The following CHM variants were observed in gnomAD, a reference collection of about 807,000 sequenced individuals.
CHM encodes the protein CHM Rab escort protein, also known as rab proteins geranylgeranyltransferase component A 1.
CHM carries 10 observed loss-of-function variants against 49.0 expected under a neutral mutation model. The observed-to-expected ratio is 0.20, with a 90% confidence interval of 0.13 to 0.35. CHM has a LOEUF of 0.35. CHM is among the 10% of genes least tolerant of loss of function. The probability of loss-of-function intolerance (pLI) is 1.00; values close to 1 mark genes in which losing one functional copy is unlikely to be tolerated. For missense variants in CHM, 455 were observed against 478.4 expected, an observed-to-expected ratio of 0.95 and a Z score of 0.46; for synonymous variants, 184 against 167.5, an observed-to-expected ratio of 1.10 and a Z score of -0.76.
chrX:85,920,279 GTAGAGAC>G (rs1927712954), intron 8 of CHM, among the ~76,000 whole-genome samples: 1 of 109,550 alleles, frequency 9.1e-6, no homozygotes, highest in Non-Finnish European at 1.9e-5. Context: ...CTATTTTTTA[GTAGAGAC>G]GGGGTTTCAC....
intron 4 of CHM, among the ~76,000 whole-genome samples, chrX:85,967,327 G>A (rs186507238): frequency 8.7e-4 from 97 of 112,023 alleles, no homozygotes; most frequent in Non-Finnish European, 1.7e-3. Flanking sequence ...TCCAGTAATA[G>A]TTCAATTCTA....
In CHM at chrX:85,938,948, A is replaced by T. The variant is rs1422035026; in HGVS notation, c.1166+17205T>A. Among the ~76,000 whole-genome samples the T allele has an allele frequency of 2.7e-5, 3 of 112,007 alleles. No homozygotes were observed. The South Asian group carries it at 1.1e-3, about 42-fold the overall frequency. ...AATATTTCAGAGAATAATGGACCACATATATGAGGAAAGTCCCATAAGATT... is the reference window on the plus strand; with the variant it reads ...AATATTTCAGAGAATAATGGACCACTTATATGAGGAAAGTCCCATAAGATT... On this transcript the variant is annotated intron_variant, in intron 8 of 14. Transcript: ENST00000357749.
chrX:85,991,252 G>C (rs1362730371), intron 2 of CHM, among the ~76,000 whole-genome samples: 3 of 111,854 alleles, frequency 2.7e-5, no homozygotes, highest in Non-Finnish European at 5.7e-5. Context: ...GATAGAAAGG[G>C]TGTTATTTCA....
chrX:86,022,802 C>T (rs1190103608), intron 2 of CHM, among the ~76,000 whole-genome samples: 2 of 111,147 alleles, frequency 1.8e-5, no homozygotes, highest in Non-Finnish European at 3.8e-5. Flanking sequence ...GTACCTCAAA[C>T]TCAACATCTT....
At chrX:86,030,769 G>A (rs1213826260) in intron 1 of CHM, among the ~76,000 whole-genome samples, 1 of 110,118 alleles carries the variant, frequency 9.1e-6, no homozygotes, top group Admixed American at 9.7e-5. Flanking sequence ...GAGGAGTGCA[G>A]AAGACGGAAA....
At chrX:86,033,943 C>A (rs922064047) in intron 1 of CHM, among the ~76,000 whole-genome samples, 30 of 111,601 alleles carry the variant, frequency 2.7e-4, no homozygotes, top group African/African-American at 9.4e-4. Context: ...AATATACTAC[C>A]CATTAAAACA....
At chrX:86,018,048 T>C (rs1933383273) in intron 2 of CHM, among the ~76,000 whole-genome samples, 1 of 112,053 alleles carries the variant, frequency 8.9e-6, no homozygotes, top group Non-Finnish European at 1.9e-5. Flanking sequence ...CATGAAGCAA[T>C]TCTAAAAAAT....
At chrX:85,975,520 G>A (rs188985316) in intron 4 of CHM, among the ~76,000 whole-genome samples, 1 of 111,875 alleles carries the variant, frequency 8.9e-6, no homozygotes, top group Admixed American at 9.4e-5. Context: ...TGAATCTCCA[G>A]GGAATTATGC....
Position 85,981,820 on chromosome X carries a change from T to C in CHM, c.117-11A>G, listed in dbSNP as rs1447339514. ...CCATAGTAGCTTCTTCTGTAACAAT[T>C]AAAAAAAAAAAAAAAAGTAAAGAAA... On this transcript the variant is annotated splice_polypyrimidine_tract_variant and intron_variant, in intron 2 of 14. Transcript: ENST00000357749. The C allele has an allele frequency of 2.6e-5, 25 of 946,462 alleles. No homozygotes were observed. The highest frequency in any genetic ancestry group is 3.5e-5 in the Non-Finnish European group (25 of 708,394). The allele number at this position is 946,462 out of a possible 1,213,427, so 78.0% of individuals were successfully genotyped here. A position where few individuals can be genotyped will look rare whatever the true frequency, so the allele number is the denominator to read the frequency against.
chrX:85,934,794 T>C (rs1186231952), intron 8 of CHM, among the ~76,000 whole-genome samples: 1 of 111,025 alleles, frequency 9.0e-6, no homozygotes, highest in Non-Finnish European at 1.9e-5. Flanking sequence ...TTTGGGTATA[T>C]ACCCAGTAAT....
Position 85,864,626 on chromosome X carries a change from T to C in CHM, c.*4A>G. ...AGTTGGGTATCCAGTTTGGTGTATA[T>C]CCATTATTCAGAGGACTCCTCTAGG... On this transcript the variant is annotated 3_prime_UTR_variant, in exon 15 of 15. Transcript: ENST00000357749. 6.7e-6 allele frequency: 8 copies of C among 1,202,978 alleles called. No homozygotes were observed. The highest frequency in any genetic ancestry group is 9.0e-6 in the Non-Finnish European group (8 of 888,421).
At chrX:86,013,154 C>G (rs1933146778) in intron 2 of CHM, among the ~76,000 whole-genome samples, 1 of 111,584 alleles carries the variant, frequency 9.0e-6, no homozygotes, top group Admixed American at 9.5e-5. Flanking sequence ...CTGGAGTCCC[C>G]TTTCCTCTTC....
At chrX:85,865,339 T>C (rs1923624816) in intron 14 of CHM, among the ~76,000 whole-genome samples, 1 of 111,551 alleles carries the variant, frequency 9.0e-6, no homozygotes, top group Admixed American at 9.5e-5. Flanking sequence ...CTTTTCTCTT[T>C]CTCCTGCCAC....
At chrX:85,976,330 TA>T (rs1420616285) in intron 4 of CHM, among the ~76,000 whole-genome samples, 1 of 111,957 alleles carries the variant, frequency 8.9e-6, no homozygotes, top group Non-Finnish European at 1.9e-5. Context: ...CTTAAAATAG[TA>T]GCATGTTAGA....
intron 8 of CHM, among the ~76,000 whole-genome samples, chrX:85,920,708 T>A (rs2148182810): frequency 8.9e-6 from 1 of 112,139 alleles, no homozygotes; most frequent in Admixed American, 9.5e-5. Flanking sequence ...TCAAGTGACT[T>A]GCTTGAGGTC....
chrX:86,030,382 G>A (rs1933991579), intron 1 of CHM, among the ~76,000 whole-genome samples: 1 of 111,932 alleles, frequency 8.9e-6, no homozygotes, highest in Non-Finnish European at 1.9e-5. Context: ...ATGTCTTCTT[G>A]GCCAAGATTT....
chrX:85,972,584 C>T (rs894651418), intron 4 of CHM, among the ~76,000 whole-genome samples: 5 of 113,173 alleles, frequency 4.4e-5, no homozygotes, highest in Non-Finnish European at 5.6e-5. Flanking sequence ...GTACACCCTC[C>T]GCAGCCACTG....
intron 8 of CHM, among the ~76,000 whole-genome samples, chrX:85,936,318 A>T (rs915481443): frequency 1.6e-4 from 18 of 112,410 alleles, no homozygotes; most frequent in Non-Finnish European, 2.8e-4. Flanking sequence ...CCGCAAAGTC[A>T]TGCAACTTTT....
At position 85,978,819 on chromosome X, in the gene CHM, G is replaced by T; in HGVS notation, c.262C>A (p.Leu88Ile). The T allele has an allele frequency of 8.3e-7, 1 of 1,205,725 alleles. No homozygotes were observed. Among genetic ancestry groups the T allele is most frequent in the South Asian group, 1.8e-5 (1 of 56,820 alleles). Reference sequence around the variant, plus strand: ...TGAATAGTTTTGTCCTTCCTGCTAAGAGCAATGGCTTCTTCATTTTCAAGG... The same window carrying T: ...TGAATAGTTTTGTCCTTCCTGCTAATAGCAATGGCTTCTTCATTTTCAAGG... ...QILENEEAIA[L>I]SRKDKTIQHV... The change falls in exon 4 of 15, where the codon CTT becomes ATT. Residue 88 changes from leucine (L) to isoleucine (I), a missense_variant. Coordinates refer to ENST00000357749, the MANE Select transcript of CHM (RefSeq NM_000390.4).
Sources: allele counts gnomAD v4.1 joint callset (sites outside exome capture counted in the v4.1 genomes callset), GRCh38; gene constraint gnomAD v4.1.1; transcripts MANE v1.5; gene names NCBI Gene and HGNC (gene_info 2026-07-23, HGNC 2026-07-21).